Variants in PSMA1 observed in about 807,000 individuals in gnomAD.
PSMA1 encodes proteasome subunit alpha type-1.
PSMA1 carries 3 observed loss-of-function variants against 38.4 expected under a neutral mutation model. The observed-to-expected ratio is 0.08, with a 90% CI of 0.04 to 0.20. PSMA1 has a LOEUF of 0.20. Among genes scored for constraint, PSMA1 ranks in the 10% least tolerant of loss-of-function variants. The probability of loss-of-function intolerance (pLI) is 1.00; values close to 1 mark genes in which losing one functional copy is unlikely to be tolerated. For synonymous variants in PSMA1, 101 were observed against 107.1 expected, an observed-to-expected ratio of 0.94 and a Z score of 0.35; for missense variants, 227 against 325.3, an observed-to-expected ratio of 0.70 and a Z score of 2.32.
chr11:14,631,235 C>T (rs911747961), intron 1 of PSMA1, among the ~76,000 whole-genome samples: 1 of 152,084 alleles, frequency 6.6e-6, no homozygotes, highest in East Asian at 1.9e-4. Context: ...TCTTGCTTTT[C>T]TAGTTCTTTT....
intron 1 of PSMA1, among the ~76,000 whole-genome samples, chr11:14,613,910 A>C (rs746350727): frequency 1.4e-4 from 22 of 152,130 alleles, no homozygotes; most frequent in Non-Finnish European, 2.2e-4. Flanking sequence ...TTTATAACAA[A>C]ATCAAAATTA....
chr11:14,548,127 C>G (rs533992005), intron 2 of PSMA1, among the ~76,000 whole-genome samples: 2 of 152,158 alleles, frequency 1.3e-5, no homozygotes, highest in East Asian at 3.9e-4. Context: ...CTGTTGTTAG[C>G]ACTTTATAGA....
chr11:14,513,061 G>A (rs1032624560), intron 7 of PSMA1, among the ~76,000 whole-genome samples: 29 of 152,164 alleles, frequency 1.9e-4, no homozygotes, highest in Non-Finnish European at 3.2e-4. Flanking sequence ...TGTAAAACCC[G>A]ATACCCTCCT....
chr11:14,638,988 T>G (rs7105010), intron 1 of PSMA1, among the ~76,000 whole-genome samples: 1 of 152,110 alleles, frequency 6.6e-6, no homozygotes, highest in Non-Finnish European at 1.5e-5. Flanking sequence ...AATTTCTGGG[T>G]AAGCGTTATA....
At chr11:14,518,248 A>C (rs529468498) in intron 2 of PSMA1, among the ~76,000 whole-genome samples, 1 of 152,008 alleles carries the variant, frequency 6.6e-6, no homozygotes, top group African/African-American at 2.4e-5. Flanking sequence ...ACTATAGGCA[A>C]GCACCACCAC....
At chr11:14,526,398 A>G (rs980423341) in intron 2 of PSMA1, among the ~76,000 whole-genome samples, 2 of 152,084 alleles carry the variant, frequency 1.3e-5, no homozygotes, top group African/African-American at 2.4e-5. Flanking sequence ...ATTCTTACAC[A>G]AGGACCGGGA....
intron 2 of PSMA1, among the ~76,000 whole-genome samples, chr11:14,609,483 A>G (rs1852683118): frequency 6.6e-6 from 1 of 152,198 alleles, no homozygotes; most frequent in Non-Finnish European, 1.5e-5. Context: ...CATATTAGTG[A>G]CATGATAAGG....
chr11:14,547,676 G>C (rs1478557213), intron 2 of PSMA1, among the ~76,000 whole-genome samples: 2 of 152,144 alleles, frequency 1.3e-5, no homozygotes, highest in African/African-American at 4.8e-5. Context: ...GAAACCAATA[G>C]ACAAGAGACA....
intron 9 of PSMA1, 34 bp downstream of exon 9, chr11:14,507,622 T>A: frequency 9.3e-6 from 13 of 1,396,756 alleles, no homozygotes; most frequent in Non-Finnish European, 1.3e-5. Flanking sequence ...CAGCTTACAA[T>A]AGAACTAAAG....
At chr11:14,525,099 TGTGG>T (rs1851572082), upstream of PSMA1, among the ~76,000 whole-genome samples, 1 of 152,136 alleles carries the variant, frequency 6.6e-6, no homozygotes. Flanking sequence ...CCATAACTGT[TGTGG>T]GTATTGACGG....
rs546079595 is a variant in PSMA1, at chr11:14,619,182, C to G, written c.-165-8031G>C. On this transcript the variant is annotated intron_variant, in intron 1 of 10. Transcript: ENST00000418988. ...CTGTAATATAGGCTGGGCATGGCAG[C>G]TCACGCCTGTGATCCCAGCACTTTG... is the stretch of plus-strand genomic sequence containing the variant. 1.3e-3 allele frequency among the ~76,000 whole-genome samples: 197 copies of G among 152,192 alleles called. 2 individuals carry two copies. The highest frequency in any genetic ancestry group is 1.9e-3 in the Non-Finnish European group (129 of 67,948).
chr11:14,560,948 C>A (rs753695790), intron 2 of PSMA1, among the ~76,000 whole-genome samples: 4 of 152,100 alleles, frequency 2.6e-5, no homozygotes, highest in Non-Finnish European at 5.9e-5. Context: ...ATACGATATG[C>A]AAGCATAAAA....
At chr11:14,567,045 A>AG (rs1247541976) in intron 2 of PSMA1, among the ~76,000 whole-genome samples, 1 of 152,206 alleles carries the variant, frequency 6.6e-6, no homozygotes, top group Non-Finnish European at 1.5e-5. Context: ...CAAAATTATG[A>AG]GGGTGCAAGA....
chr11:14,560,060 A>C (rs1477656404), intron 2 of PSMA1, among the ~76,000 whole-genome samples: 1 of 152,176 alleles, frequency 6.6e-6, no homozygotes, highest in African/African-American at 2.4e-5. Flanking sequence ...CTACCTATGA[A>C]CTTGGGCAAG....
intron 2 of PSMA1, among the ~76,000 whole-genome samples, chr11:14,546,240 G>A (rs904319814): frequency 6.6e-6 from 1 of 151,708 alleles, no homozygotes; most frequent in African/African-American, 2.4e-5. Flanking sequence ...AAAGAGAGGG[G>A]CAAGAGGGTT....
intron 8 of PSMA1, 143 bp downstream of exon 8, chr11:14,510,729 T>C (rs1851329007): frequency 8.5e-6 from 4 of 472,592 alleles, no homozygotes; most frequent in South Asian, 7.5e-5. Flanking sequence ...TTGGATTACT[T>C]AGCAAATAGC....
At chr11:14,621,437 T>A (rs963208483) in intron 1 of PSMA1, among the ~76,000 whole-genome samples, 14 of 152,108 alleles carry the variant, frequency 9.2e-5, no homozygotes, top group African/African-American at 3.4e-4. Flanking sequence ...TTCAATGTTT[T>A]GTTTTGTTTT....
intron 2 of PSMA1, among the ~76,000 whole-genome samples, chr11:14,557,386 C>A (rs1030176574): frequency 6.6e-6 from 1 of 151,884 alleles, no homozygotes; most frequent in Non-Finnish European, 1.5e-5. Flanking sequence ...TACAGGTGCA[C>A]AAGCGCACCA....
chr11:14,628,035 G>A (rs948278508), intron 1 of PSMA1, among the ~76,000 whole-genome samples: 5 of 152,172 alleles, frequency 3.3e-5, no homozygotes, highest in African/African-American at 1.2e-4. Context: ...TACCGCTTGA[G>A]CTCCACCTCC....
Sources: allele counts gnomAD v4.1 joint callset (sites outside exome capture counted in the v4.1 genomes callset), GRCh38; gene constraint gnomAD v4.1.1; transcripts MANE v1.5; gene names NCBI Gene and HGNC (gene_info 2026-07-23, HGNC 2026-07-21).